The following ADAMTS17 variants were observed in gnomAD, a reference collection of about 807,000 sequenced individuals.
ADAMTS17 encodes the protein ADAM metallopeptidase with thrombospondin type 1 motif 17.
A neutral mutation model predicts 141.5 loss-of-function variants in ADAMTS17; 113 were observed. The ratio of observed to expected loss-of-function variants is 0.80; its 90% CI spans 0.69 to 0.93. The LOEUF is 0.93. Among genes scored for constraint, ADAMTS17 ranks in the 40% least tolerant of loss-of-function variants. ADAMTS17 has a pLI of 0.00. For missense variants in ADAMTS17, 1,659 were observed against 1,517.9 expected (o/e 1.09, Z -1.54); for synonymous variants, 768 against 630.6 (o/e 1.22, Z -3.27).
chr15:100,025,970 G>T (rs2061508263), intron 18 of ADAMTS17, among the ~76,000 whole-genome samples: 1 of 151,980 alleles, frequency 6.6e-6, no homozygotes, highest in Non-Finnish European at 1.5e-5. Context: ...TAAATTATAA[G>T]TATACAGCTT....
chr15:100,198,581 GTCATATCACAATC>G (rs2041206708), intron 8 of ADAMTS17, among the ~76,000 whole-genome samples: 1 of 152,156 alleles, frequency 6.6e-6, no homozygotes, highest in Non-Finnish European at 1.5e-5. Flanking sequence ...CTCTTAAGCA[GTCATATCACAATC>G]TTTCCTTCAG....
chr15:100,032,686 T>C (rs2030296787), intron 18 of ADAMTS17, among the ~76,000 whole-genome samples: 1 of 152,248 alleles, frequency 6.6e-6, no homozygotes, highest in Non-Finnish European at 1.5e-5. Context: ...CTGTACTGTT[T>C]TTAAAATGAG....
intron 13 of ADAMTS17, among the ~76,000 whole-genome samples, chr15:100,110,470 T>C (rs984471428): frequency 6.6e-6 from 1 of 151,840 alleles, no homozygotes; most frequent in Non-Finnish European, 1.5e-5. Context: ...TTCACCGTGT[T>C]AGCCAGGGTG....
chr15:100,106,552 G>A (rs573971215), intron 14 of ADAMTS17, among the ~76,000 whole-genome samples: 14 of 152,316 alleles, frequency 9.2e-5, no homozygotes, highest in African/African-American at 3.1e-4. Context: ...GGCACAGATC[G>A]CACAGAGCAT....
chr15:100,006,350 A>C (rs1164240789), intron 18 of ADAMTS17, among the ~76,000 whole-genome samples: 1 of 151,760 alleles, frequency 6.6e-6, no homozygotes, highest in African/African-American at 2.4e-5. Flanking sequence ...TTCTGAAAAA[A>C]CTCAGCTCCT....
Position 99,974,452 on chromosome 15 carries a change from A to C in ADAMTS17, c.3238T>G (p.Cys1080Gly), listed in dbSNP as rs753229004. The change falls in exon 22 of 22, where the codon TGC becomes GGC. Residue 1080 changes from cysteine to glycine, a missense_variant. Cys to Gly is a radical substitution (Grantham distance 159). Coordinates refer to ENST00000268070, the MANE Select transcript of ADAMTS17 (RefSeq NM_139057.4). ...MRWYQRCCQT[C>G]RDFYANKMRQ... ...ATCTTGTTTGCATAGAAGTCCCTGC[A>C]GGTCTGGCAGCAGCGCTGGTACCAC... 3.3e-5 allele frequency: 54 copies of C among 1,614,044 alleles called. No individual in the cohort carries two copies. Among genetic ancestry groups the C allele is most frequent in the Non-Finnish European group, 4.3e-5 (51 of 1,180,042 alleles).
At chr15:100,114,922 T>C (rs946523516) in intron 13 of ADAMTS17, among the ~76,000 whole-genome samples, 7 of 152,206 alleles carry the variant, frequency 4.6e-5, no homozygotes, top group Non-Finnish European at 8.8e-5. Context: ...CACAGACATT[T>C]CAGTGGGATT....
chr15:99,998,238 C>A (rs1271359076), intron 18 of ADAMTS17, among the ~76,000 whole-genome samples: 2 of 152,194 alleles, frequency 1.3e-5, no homozygotes, highest in Non-Finnish European at 2.9e-5. Flanking sequence ...GGCTGTGGTG[C>A]CTGAGAGTGG....
intron 3 of ADAMTS17, among the ~76,000 whole-genome samples, chr15:100,309,355 T>A (rs1253191168): frequency 6.6e-6 from 1 of 152,140 alleles, no homozygotes; most frequent in Non-Finnish European, 1.5e-5. Context: ...CGACACCCTG[T>A]CTCAAAAACG....
At chr15:100,331,978 C>A (rs2046067231) in intron 2 of ADAMTS17, among the ~76,000 whole-genome samples, 1 of 151,424 alleles carries the variant, frequency 6.6e-6, no homozygotes, top group African/African-American at 2.4e-5. Flanking sequence ...ATGAGATAGA[C>A]CCCAGCTCTA....
chr15:100,276,449 GGGGTGGGTGCCTGGTGGGAGGGAGT>G, intron 4 of ADAMTS17, among the ~76,000 whole-genome samples: 1 of 66,596 alleles, frequency 1.5e-5, no homozygotes, highest in Non-Finnish European at 3.0e-5. Context: ...AGGGTGGGAG[GGGGTGGGTGCCTGGTGGGAGGGAGT>G]GGGTGCCTGG....
chr15:100,114,889 G>T (rs1273482301), intron 13 of ADAMTS17, among the ~76,000 whole-genome samples: 1 of 152,182 alleles, frequency 6.6e-6, no homozygotes, highest in African/African-American at 2.4e-5. Context: ...AGTTTAATCT[G>T]GACTTGGAGA....
At chr15:100,293,925 TA>T (rs1339727464) in intron 3 of ADAMTS17, among the ~76,000 whole-genome samples, 1 of 152,148 alleles carries the variant, frequency 6.6e-6, no homozygotes, top group African/African-American at 2.4e-5. Context: ...TTCCTCCACC[TA>T]AAAGGGAGGG....
chr15:100,100,987 T>C (rs546536116), intron 14 of ADAMTS17, among the ~76,000 whole-genome samples: 1 of 152,028 alleles, frequency 6.6e-6, no homozygotes, highest in East Asian at 1.9e-4. Flanking sequence ...GCCTCTTAAC[T>C]TGTTTCCTGG....
intron 8 of ADAMTS17, among the ~76,000 whole-genome samples, chr15:100,189,224 G>C (rs781518839): frequency 3.9e-5 from 6 of 152,214 alleles, no homozygotes; most frequent in Non-Finnish European, 8.8e-5. Flanking sequence ...TCTTCCCTCT[G>C]CCAGATTCTG....
At chr15:100,252,463 A>T (rs1020142501) in intron 7 of ADAMTS17, among the ~76,000 whole-genome samples, 7 of 152,164 alleles carry the variant, frequency 4.6e-5, no homozygotes, top group African/African-American at 1.7e-4. Flanking sequence ...CGATTGAGAG[A>T]TTATGTCTCC....
rs563076037 is a variant in ADAMTS17, at chr15:100,002,340, T to C, written c.2592-4751A>G. Among the ~76,000 whole-genome samples, 10 of 152,166 alleles carry C rather than the reference T, an allele frequency of 6.6e-5. 1 individual carries two copies. In the East Asian group the frequency reaches 1.9e-3, roughly 29 times the overall value. On this transcript the variant is annotated intron_variant, in intron 18 of 21. Transcript: ENST00000268070. ...TGTGCTGTGCTTCCAGGGCCAAGCC[T>C]GAGAAGTGGGGCCCCTCTGTCTTGC...
chr15:100,023,380 G>A (rs527249347), intron 18 of ADAMTS17, among the ~76,000 whole-genome samples: 2 of 149,884 alleles, frequency 1.3e-5, no homozygotes, highest in Non-Finnish European at 3.0e-5. Flanking sequence ...TTTTTTTTTT[G>A]TATTTTTAGT....
intron 10 of ADAMTS17, among the ~76,000 whole-genome samples, chr15:100,145,224 C>T (rs1007543053): frequency 1.3e-5 from 2 of 152,208 alleles, no homozygotes; most frequent in Non-Finnish European, 2.9e-5. Flanking sequence ...CAGTGAGGGG[C>T]TTACCAGTTC....
Sources: gnomAD v4.1 joint callset for allele counts (sites outside exome capture counted in the v4.1 genomes callset) on GRCh38, gnomAD v4.1.1 for gene constraint, MANE v1.5 for transcripts, NCBI Gene and HGNC (gene_info 2026-07-23, HGNC 2026-07-21) for gene names.